SNAPC4: variants seen among roughly 807,000 people sequenced by gnomAD.
SNAPC4 encodes snRNA-activating protein complex subunit 4.
A neutral mutation model predicts 151.3 loss-of-function variants in SNAPC4; 127 were observed. The ratio of observed to expected loss-of-function variants is 0.84; its 90% CI spans 0.73 to 0.97. The LOEUF (loss-of-function observed/expected upper bound fraction) is 0.97. Among genes scored for constraint, SNAPC4 ranks in the 50% least tolerant of loss-of-function variants. The probability of loss-of-function intolerance (pLI) is 0.00; values close to 1 mark genes in which losing one functional copy is unlikely to be tolerated. For missense variants in SNAPC4, 2,186 were observed against 1,935.0 expected (o/e 1.13, Z -2.43); for synonymous variants, 1,002 against 824.4 (o/e 1.22, Z -3.69).
In SNAPC4 at chr9:136,397,022, A is replaced by T. The variant is rs1434224510; in HGVS notation, c.132T>A (p.Asp44Glu). The T allele has an allele frequency of 7.4e-6, 12 of 1,612,770 alleles. No individual in the cohort carries two copies. In the South Asian group the frequency reaches 1.2e-4, roughly 16 times the overall value. Residue 44 changes from aspartate to glutamate, a missense_variant and splice_region_variant, in exon 3 of 24, where the codon GAT becomes GAA. Coordinates refer to ENST00000684778, the MANE Select transcript of SNAPC4 (RefSeq NM_003086.4). ...ESSLESDSEA[D>E]SLPSEDLDPA... ...GATCCAAGTCCTCAGAAGGCAGTGA[A>T]TCTGTCAGAAACACAAGCAACACCG...
chr9:136,378,333 G>A lies in SNAPC4; in HGVS notation c.3494C>T (p.Ala1165Val). The stretch of plus-strand genomic sequence containing the variant: ...AAAGGCCACACTGCCATCCGCTTCT[G>A]CAGGACTTTGGGAGAGGGCGTGTGT... ...PPTHALSQSP[A>V]EADGSVAFVP... is the part of the protein sequence containing the mutation. Residue 1165 changes from alanine (A) to valine (V), a missense_variant, in exon 22 of 24, where the codon GCA (alanine) becomes GTA (valine). Physicochemically the swap from Ala to Val is moderately conservative, Grantham distance 64. Transcript: ENST00000684778. 2 of 1,606,528 alleles carry A rather than the reference G, an allele frequency of 1.2e-6. No individual in the cohort carries two copies. Among genetic ancestry groups the A allele is most frequent in the East Asian group, 2.2e-5 (1 of 44,720 alleles).
intron 6 of SNAPC4, among the ~76,000 whole-genome samples, chr9:136,394,570 C>T (rs544590532): frequency 5.3e-5 from 8 of 152,322 alleles, no homozygotes; most frequent in African/African-American, 1.7e-4. Flanking sequence ...GAGACTGAGC[C>T]AGAGGGTGGG....
rs148751260 is a variant in SNAPC4 at position 136,377,676 on chromosome 9, T to C, written c.4151A>G (p.Gln1384Arg). The change falls in exon 22 of 24, where the codon CAA (glutamine) becomes CGA (arginine). Residue 1384 changes from glutamine to arginine, a missense_variant. Gln to Arg is a conservative substitution (Grantham distance 43, BLOSUM62 1). Coordinates refer to ENST00000684778, the MANE Select transcript of SNAPC4 (RefSeq NM_003086.4). Reference sequence around the variant, plus strand: ...TACTGAGAGGGTGGTGCGGACGCCTTGGGGGGCCAGGGTGGCCAGGAGCGC... The same window carrying C: ...TACTGAGAGGGTGGTGCGGACGCCTCGGGGGGCCAGGGTGGCCAGGAGCGC... ...LPALLATLAPQGVRTTLSVPS... is the reference protein window; with the variant it reads ...LPALLATLAPRGVRTTLSVPS... 4.0e-4 allele frequency: 648 copies of C among 1,607,626 alleles called. 5 individuals carry two copies. The highest frequency in any genetic ancestry group is 8.4e-4 in the South Asian group (76 of 90,594).
At chr9:136,393,441 G>A (rs536687612) in intron 7 of SNAPC4, among the ~76,000 whole-genome samples, 47 of 152,254 alleles carry the variant, frequency 3.1e-4, no homozygotes, top group Non-Finnish European at 5.9e-4. Context: ...CTGGGTCTCT[G>A]GGCTCTGGGA....
In SNAPC4 at chr9:136,377,917, G is replaced by A. The variant is rs1217841004; in HGVS notation, c.3910C>T (p.Gln1304Ter). Residue 1304 changes from glutamine (Q) to a stop codon, truncating the protein, a stop_gained, in exon 22 of 24, where the codon CAG (glutamine) becomes TAG (stop). Coordinates refer to ENST00000684778, the MANE Select transcript of SNAPC4 (RefSeq NM_003086.4). LOFTEE classifies it high-confidence loss of function. ...CGCAGGCTGCACAGGGCTGGGGGCT[G>A]ATAGGGCAGTCTGCTGCCCAGAAGA... Reference protein sequence around the residue: ...VPLLGSRLPYQPPALCSLRAL... With the variant: ...VPLLGSRLPY The A allele has an allele frequency of 6.2e-7, 1 of 1,610,544 alleles. No homozygotes were observed. Among genetic ancestry groups the A allele is most frequent in the Non-Finnish European group, 8.5e-7 (1 of 1,179,340 alleles).
intron 7 of SNAPC4, among the ~76,000 whole-genome samples, chr9:136,393,209 G>A (rs951411863): frequency 6.6e-6 from 1 of 152,138 alleles, no homozygotes; most frequent in Non-Finnish European, 1.5e-5. Context: ...CCGAGCCTGA[G>A]GAGAGACCCA....
chr9:136,387,593 C>G lies in SNAPC4; in HGVS notation c.1231-14G>C. 1.3e-6 allele frequency: 2 copies of G among 1,599,152 alleles called. No individual in the cohort carries two copies. The highest frequency in any genetic ancestry group is 1.3e-5 in the African/African-American group (1 of 74,786). On this transcript the variant is annotated splice_polypyrimidine_tract_variant and intron_variant, in intron 12 of 23. Coordinates refer to ENST00000684778, the MANE Select transcript of SNAPC4 (RefSeq NM_003086.4). Reference sequence around the variant, plus strand: ...TTGAAGCAACTTCTGCAGGAAGGGACAGGCAGACAAGTGAAGCCTCTGCAG... The same window carrying G: ...TTGAAGCAACTTCTGCAGGAAGGGAGAGGCAGACAAGTGAAGCCTCTGCAG...
Position 136,384,961 on chromosome 9 carries a change from G to C in SNAPC4, c.1326-147C>G. 4 of 524,544 alleles carry C rather than the reference G, an allele frequency of 7.6e-6. No homozygotes were observed. In the South Asian group the frequency reaches 1.1e-4, roughly 15 times the overall value. The allele number at this position is 524,544 out of a possible 1,614,324, so 32.5% of individuals were successfully genotyped here. A position where few individuals can be genotyped will look rare whatever the true frequency, so the allele number is the denominator to read the frequency against. On this transcript the variant is annotated intron_variant, in intron 13 of 23. Coordinates refer to ENST00000684778, the MANE Select transcript of SNAPC4 (RefSeq NM_003086.4). ...ACAGATAAAGTAGACTTCATCAAAAGCTAAAGCTTTTGTGTCCCAAAGGAC... is the reference window on the plus strand; with the variant it reads ...ACAGATAAAGTAGACTTCATCAAAACCTAAAGCTTTTGTGTCCCAAAGGAC...
intron 4 of SNAPC4, 22 bp from the exon 5 acceptor site, chr9:136,395,445 G>A (rs200676896): frequency 1.4e-4 from 232 of 1,609,728 alleles, no homozygotes; most frequent in Non-Finnish European, 1.9e-4. Flanking sequence ...ACAAGGCAGG[G>A]ACCCCTCTAT....
Position 136,389,754 on chromosome 9 carries a change from G to A in SNAPC4, c.976-1163C>T, listed in dbSNP as rs375921442. ...AGTTGGGAAGGCAAAGGACTGGGGG[G>A]TGGGGCGGGATTCAGAGCTGGGCCC... On this transcript the variant is annotated intron_variant, in intron 10 of 23. Coordinates refer to ENST00000684778, the MANE Select transcript of SNAPC4 (RefSeq NM_003086.4). Among the ~76,000 whole-genome samples the A allele has an allele frequency of 3.1e-4, 47 of 152,298 alleles. No individual in the cohort carries two copies. In the East Asian group the frequency reaches 5.0e-3, roughly 16 times the overall value.
Position 136,383,946 on chromosome 9 carries a change from G to C in SNAPC4, c.1500+7C>G. 1 of 1,611,730 alleles carries C rather than the reference G, an allele frequency of 6.2e-7. No individual in the cohort carries two copies. The highest frequency in any genetic ancestry group is 8.5e-7 in the Non-Finnish European group (1 of 1,178,352). On this transcript the variant is annotated splice_region_variant and intron_variant, in intron 15 of 23. Transcript: ENST00000684778. The surrounding 1 kb of genome is among the most constrained non-coding windows in gnomAD (Gnocchi z 4.2). Reference sequence around the variant, plus strand: ...GGTTTCAGATAAAGAAGGAGCGAGTGGCTCACCCCCATCATGATCTTCCAC... The same window carrying C: ...GGTTTCAGATAAAGAAGGAGCGAGTCGCTCACCCCCATCATGATCTTCCAC...
chr9:136,383,145 G>T lies in SNAPC4; in HGVS notation c.1983+41C>A. The T allele has an allele frequency of 1.3e-6, 2 of 1,509,020 alleles. No individual in the cohort carries two copies. Among genetic ancestry groups the T allele is most frequent in the Non-Finnish European group, 1.8e-6 (2 of 1,130,394 alleles). The allele number at this position is 1,509,020 out of a possible 1,614,324, so 93.5% of individuals were successfully genotyped here. The stretch of plus-strand genomic sequence containing the variant: ...GCGTCAGCCCTGGCGAGCGAGTGCC[G>T]AAAGTGCACTTCCCGTGGTACACCC... On this transcript the variant is annotated intron_variant, in intron 16 of 23. Coordinates refer to ENST00000684778, the MANE Select transcript of SNAPC4 (RefSeq NM_003086.4). This position sits in a 1 kb window ranked among gnomAD's most constrained non-coding sequence, Gnocchi z 4.2.
At chr9:136,384,079 C>T in intron 14 of SNAPC4, 47 bp from the exon 15 acceptor site, 2 of 1,532,072 alleles carry the variant, frequency 1.3e-6, no homozygotes, top group Non-Finnish European at 9.0e-7. Context: ...AAAGATTCTT[C>T]CCCAGGACAG....
intron 21 of SNAPC4, among the ~76,000 whole-genome samples, chr9:136,379,510 G>A: frequency 6.6e-6 from 1 of 152,222 alleles, no homozygotes; most frequent in East Asian, 1.9e-4. Context: ...TGGGCACTCT[G>A]GGAAACCCAG....
chr9:136,394,206 G>T, intron 7 of SNAPC4, 43 bp downstream of exon 7: 1 of 1,496,870 alleles, frequency 6.7e-7, no homozygotes, highest in Non-Finnish European at 9.3e-7. Flanking sequence ...TGAGCCCTAT[G>T]CCCAGCCTGA....
chr9:136,397,103 G>A, intron 2 of SNAPC4, 80 bp from the exon 3 acceptor site: 1 of 1,235,086 alleles, frequency 8.1e-7, no homozygotes, highest in Non-Finnish European at 1.2e-6. Context: ...CTGCTTCTTG[G>A]GCAGACCTGG....
chr9:136,377,740 G>A lies in SNAPC4; in HGVS notation c.4087C>T (p.Leu1363=), dbSNP rs140149162. 5.6e-6 allele frequency: 9 copies of A among 1,610,220 alleles called. No individual in the cohort carries two copies. The highest frequency in any genetic ancestry group is 7.6e-6 in the Non-Finnish European group (9 of 1,178,304). ...GCTGCCAGGAACCGCGCCCGCAACA[G>A]GAGGTAGGCCGGGTTGTCCTGGAGC... is the stretch of plus-strand genomic sequence containing the variant. The part of the protein sequence containing the change: ...GQLQDNPAYL[L]LRARFLAAFT... Residue 1363 remains leucine, a synonymous_variant, in exon 22 of 24, where the codon CTG becomes TTG. Coordinates refer to ENST00000684778, the MANE Select transcript of SNAPC4 (RefSeq NM_003086.4).
In SNAPC4 at chr9:136,395,375, C is replaced by T; in HGVS notation, c.394G>A (p.Asp132Asn). The T allele has an allele frequency of 6.2e-6, 10 of 1,613,594 alleles. No individual in the cohort carries two copies. The highest frequency in any genetic ancestry group is 7.6e-6 in the Non-Finnish European group (9 of 1,179,980). Residue 132 changes from aspartate to asparagine, a missense_variant, in exon 5 of 24, where the codon GAT (aspartate) becomes AAT (asparagine). Transcript: ENST00000684778. ...GTGCTTGGGGGCAGGCTTTTGCCAT[C>T]TTTCACCTTGGTGCCTTTGGACCCA... ...LAGSKGTKVK[D>N]GKSLPPSTYM...
intron 22 of SNAPC4, among the ~76,000 whole-genome samples, chr9:136,376,819 C>T (rs558712010): frequency 6.6e-6 from 1 of 152,350 alleles, no homozygotes; most frequent in Non-Finnish European, 1.5e-5. Context: ...AACTCTTGGA[C>T]ATTGCTTCCT....
Sources: allele counts gnomAD v4.1 joint callset (sites outside exome capture counted in the v4.1 genomes callset), GRCh38; gene constraint gnomAD v4.1.1; non-coding constraint Gnocchi (gnomAD v3.1); transcripts MANE v1.5; gene names NCBI Gene and HGNC (gene_info 2026-07-23, HGNC 2026-07-21).